The following UBAP1 variants were observed in gnomAD, a reference collection of about 807,000 sequenced individuals.
UBAP1 encodes ubiquitin associated protein 1, also known as ubiquitin-associated protein 1.
A neutral mutation model predicts 39.0 loss-of-function variants in UBAP1; 5 were observed. The observed-to-expected ratio is 0.13, with a 90% CI of 0.07 to 0.27. The LOEUF is 0.27. Among genes scored for constraint, UBAP1 ranks in the 10% least tolerant of loss-of-function variants. UBAP1 has a pLI of 1.00. For synonymous variants in UBAP1, 211 were observed against 225.1 expected, an observed-to-expected ratio of 0.94 and a Z score of 0.56; for missense variants, 490 against 608.1, an observed-to-expected ratio of 0.81 and a Z score of 2.04.
rs147284947 is a variant in UBAP1 at position 34,227,996 on chromosome 9, G to A, written c.35-6220G>A. ...TTTAAAAAATTAGCTGGGCATGGTG[G>A]TGCATGCCTGTAGTCTCAGCTACTC... is the stretch of plus-strand genomic sequence containing the variant. On this transcript the variant is annotated intron_variant, in intron 2 of 6. Transcript: ENST00000297661. Among the ~76,000 whole-genome samples the A allele has an allele frequency of 5.7e-3, 869 of 152,060 alleles. 4 individuals carry two copies. Among genetic ancestry groups the A allele is most frequent in the Middle Eastern group, 0.02 (6 of 294 alleles).
chr9:34,222,100 T>G (rs1432159835), intron 2 of UBAP1, among the ~76,000 whole-genome samples: 1 of 152,018 alleles, frequency 6.6e-6, no homozygotes, highest in Non-Finnish European at 1.5e-5. Flanking sequence ...CCAGCCTGGG[T>G]GACAGAGTGA....
chr9:34,247,610 G>C (rs1834244914), intron 4 of UBAP1, among the ~76,000 whole-genome samples: 1 of 151,942 alleles, frequency 6.6e-6, no homozygotes, highest in African/African-American at 2.4e-5. Flanking sequence ...TTTTAGTAGA[G>C]ATGGGGTTTC....
rs559983931 is a variant in UBAP1, at chr9:34,220,164, CTT to C, written c.-7-741_-7-740del. On this transcript the variant is annotated intron_variant, in intron 1 of 6. Transcript: ENST00000297661. The stretch of plus-strand genomic sequence containing the variant: ...CCTTTCCTCTCCTGCCCTCTCCTCT[CTT>C]TTCTTAGACAGGGTCTTGTGCTGTT... 9.9e-4 allele frequency among the ~76,000 whole-genome samples: 59 copies of C among 59,734 alleles called. 1 individual carries two copies. The highest frequency in any genetic ancestry group is 4.1e-3 in the African/African-American group (55 of 13,468). The allele number at this position is 59,734 out of a possible 152,430, so 39.2% of individuals were successfully genotyped here.
chr9:34,240,465 T>C (rs183363689), intron 3 of UBAP1, among the ~76,000 whole-genome samples: 66 of 152,348 alleles, frequency 4.3e-4, no homozygotes, highest in Non-Finnish European at 7.2e-4. Flanking sequence ...GATTTTGTTT[T>C]TTCCTGTCCT....
intron 1 of UBAP1, among the ~76,000 whole-genome samples, chr9:34,187,024 C>T (rs2131498550): frequency 6.6e-6 from 1 of 152,284 alleles, no homozygotes; most frequent in Non-Finnish European, 1.5e-5. Context: ...TCTCCTGTCT[C>T]AGCCTCCCGA....
intron 1 of UBAP1, among the ~76,000 whole-genome samples, chr9:34,202,003 G>A (rs1052552926): frequency 1.3e-5 from 2 of 152,178 alleles, no homozygotes; most frequent in Admixed American, 1.3e-4. Context: ...GCAAGGTAGG[G>A]GGGAAGGTGC....
At chr9:34,238,750 TAACA>T (rs1833822931) in intron 3 of UBAP1, among the ~76,000 whole-genome samples, 2 of 152,230 alleles carry the variant, frequency 1.3e-5, no homozygotes, top group Admixed American at 6.5e-5. Context: ...TTATTGGCAA[TAACA>T]AATAGTCATT....
At position 34,241,902 on chromosome 9, in the gene UBAP1, C is replaced by T; in HGVS notation, c.877C>T (p.Leu293Phe). 1 of 1,614,188 alleles carries T rather than the reference C, an allele frequency of 6.2e-7. No homozygotes were observed. The highest frequency in any genetic ancestry group is 1.1e-5 in the South Asian group (1 of 91,084). Residue 293 changes from leucine (L) to phenylalanine (F), a missense_variant, in exon 4 of 7, where the codon CTC becomes TTC. Physicochemically the swap from Leu to Phe is conservative, Grantham distance 22. Transcript: ENST00000297661. ...LASTFHSTSC[L>F]RNGTFQNSLK... Reference sequence around the variant, plus strand: ...GAGCACTTTCCATAGCACATCCTGCCTCCGCAATGGCACGTTCCAGAATTC... The same window carrying T: ...GAGCACTTTCCATAGCACATCCTGCTTCCGCAATGGCACGTTCCAGAATTC...
chr9:34,230,902 G>A (rs1833371373), intron 2 of UBAP1, among the ~76,000 whole-genome samples: 1 of 152,060 alleles, frequency 6.6e-6, no homozygotes, highest in Non-Finnish European at 1.5e-5. Flanking sequence ...TTGGAACTGG[G>A]TGTGATAGCT....
rs1193356334 is a variant in UBAP1, at chr9:34,181,116, C to CTTTCTTTTTTT, written c.-8+1879_-8+1880insCTTTTTTTTTT. On this transcript the variant is annotated intron_variant, in intron 1 of 6. Transcript: ENST00000297661. Reference sequence around the variant, plus strand: ...TGAGCCACCGCACCCGGCCTGTTTTCTTTTTTTTTTTTTTTTTGAGACAGA... The same window carrying CTTTCTTTTTTT: ...TGAGCCACCGCACCCGGCCTGTTTTCTTTCTTTTTTTTTTTTTTTTTTTTTTTTGAGACAGA... Among the ~76,000 whole-genome samples, 717 of 72,206 alleles carry CTTTCTTTTTTT rather than the reference C, an allele frequency of 9.9e-3. 8 individuals are homozygous for CTTTCTTTTTTT. The highest frequency in any genetic ancestry group is 0.017 in the Middle Eastern group (1 of 58). The allele number at this position is 72,206 out of a possible 152,430, so 47.4% of individuals were successfully genotyped here. A position where few individuals can be genotyped will look rare whatever the true frequency, so the allele number is the denominator to read the frequency against.
intron 1 of UBAP1, among the ~76,000 whole-genome samples, chr9:34,197,677 G>C (rs1283389907): frequency 6.6e-6 from 1 of 152,042 alleles, no homozygotes; most frequent in Non-Finnish European, 1.5e-5. Context: ...AGCCTCCCCA[G>C]TAGCTGGGGT....
intron 2 of UBAP1, among the ~76,000 whole-genome samples, chr9:34,223,409 C>CAAA (rs770698280): frequency 1.2e-5 from 1 of 81,974 alleles, no homozygotes; most frequent in Non-Finnish European, 2.6e-5. Context: ...CATTCCATCT[C>CAAA]AAAAAAAAAA....
Position 34,251,830 on chromosome 9 carries a change from G to C in UBAP1, c.*298G>C, listed in dbSNP as rs2131641376. The C allele has an allele frequency of 3.5e-6, 1 of 283,082 alleles. No homozygotes were observed. Among genetic ancestry groups the C allele is most frequent in the East Asian group, 6.5e-5 (1 of 15,468 alleles). The allele number at this position is 283,082 out of a possible 1,614,324, so 17.5% of individuals were successfully genotyped here. On this transcript the variant is annotated 3_prime_UTR_variant, in exon 7 of 7. Coordinates refer to ENST00000297661, the MANE Select transcript of UBAP1 (RefSeq NM_016525.5). Reference sequence around the variant, plus strand: ...CCGGAGAGACTACCCTAGTCTTTCTGGGGTGTTTATGTCCTCAGCTGAAGC... The same window carrying C: ...CCGGAGAGACTACCCTAGTCTTTCTCGGGTGTTTATGTCCTCAGCTGAAGC...
intron 2 of UBAP1, among the ~76,000 whole-genome samples, chr9:34,228,430 A>G (rs568921171): frequency 2.6e-4 from 39 of 151,912 alleles, no homozygotes; most frequent in African/African-American, 8.7e-4. Flanking sequence ...AAAAAAAAAA[A>G]AAAAGAAAAA....
intron 1 of UBAP1, among the ~76,000 whole-genome samples, chr9:34,195,736 T>A (rs1171008723): frequency 7.1e-6 from 1 of 141,780 alleles, no homozygotes; most frequent in Non-Finnish European, 1.6e-5. Flanking sequence ...TAGCTGGGAT[T>A]ACAGACATGT....
At chr9:34,207,797 AT>A (rs1162207696) in intron 1 of UBAP1, among the ~76,000 whole-genome samples, 1 of 151,960 alleles carries the variant, frequency 6.6e-6, no homozygotes, top group Non-Finnish European at 1.5e-5. Flanking sequence ...GTTTCAGAGT[AT>A]TAATTTGTTT....
intron 2 of UBAP1, chr9:34,224,466 A>G (rs1333720343): frequency 5.2e-6 from 2 of 387,712 alleles, no homozygotes; most frequent in East Asian, 4.6e-5. Flanking sequence ...AGGGCACGGT[A>G]TTTCTTGTTA....
intron 1 of UBAP1, among the ~76,000 whole-genome samples, chr9:34,213,790 A>G (rs1181016027): frequency 6.6e-6 from 1 of 152,160 alleles, no homozygotes; most frequent in Non-Finnish European, 1.5e-5. Context: ...TCCTCCAGAA[A>G]GCTCCTAGAA....
intron 4 of UBAP1, among the ~76,000 whole-genome samples, chr9:34,244,307 A>G (rs1025287384): frequency 6.0e-5 from 9 of 149,500 alleles, no homozygotes; most frequent in African/African-American, 1.7e-4. Flanking sequence ...TTGTCTTTCT[A>G]TGCCTGGCTT....
Sources: gnomAD v4.1 joint callset for allele counts (sites outside exome capture counted in the v4.1 genomes callset) on GRCh38, gnomAD v4.1.1 for gene constraint, MANE v1.5 for transcripts, NCBI Gene and HGNC (gene_info 2026-07-23, HGNC 2026-07-21) for gene names.